SLC38A4: variants seen among roughly 807,000 people sequenced by gnomAD.
The protein encoded by SLC38A4 is solute carrier family 38 member 4, also known as sodium-coupled neutral amino acid transporter 4.
In SLC38A4, 20 loss-of-function variants were observed where a neutral mutation model predicts 63.1. That is an observed-to-expected ratio of 0.32 (90% CI 0.22 to 0.46). The LOEUF is 0.46. SLC38A4 is among the 20% of genes least tolerant of loss of function. The pLI, the probability that SLC38A4 is intolerant of heterozygous loss-of-function variation, is 1.00. For missense variants in SLC38A4, 526 were observed against 663.6 expected, an observed-to-expected ratio of 0.79 and a Z score of 2.28; for synonymous variants, 230 against 225.5, an observed-to-expected ratio of 1.02 and a Z score of -0.18.
In SLC38A4 at chr12:46,792,186, C is replaced by T. The variant is rs142680842; in HGVS notation, c.119+767G>A. ...ACAGGGAGAGAAATCAGGGCTCTCT[C>T]CCTGTCTCACATTTAATGTAGGCCT... On this transcript the variant is annotated intron_variant, in intron 3 of 16. Transcript: ENST00000266579. Among the ~76,000 whole-genome samples the T allele has an allele frequency of 3.0e-3, 456 of 152,094 alleles. 2 individuals are homozygous for T. Among genetic ancestry groups the T allele is most frequent in the African/African-American group, 0.01 (430 of 41,492 alleles).
chr12:46,808,154 A>C (rs1939272235), intron 1 of SLC38A4, among the ~76,000 whole-genome samples: 1 of 152,026 alleles, frequency 6.6e-6, no homozygotes, highest in Non-Finnish European at 1.5e-5. Context: ...CATGATTAGG[A>C]TCATTTGATG....
At chr12:46,787,763 C>T (rs144324401) in intron 5 of SLC38A4, among the ~76,000 whole-genome samples, 153 bp downstream of exon 5, 28 of 152,302 alleles carry the variant, frequency 1.8e-4, no homozygotes, top group Non-Finnish European at 2.9e-4. Flanking sequence ...CACTTTCTGC[C>T]GTTGGGTTAG....
upstream of SLC38A4, among the ~76,000 whole-genome samples, chr12:46,829,691 C>T (rs565869669): frequency 4.9e-4 from 75 of 152,226 alleles, no homozygotes; most frequent in Non-Finnish European, 7.5e-4. Context: ...AGTCCAGCTG[C>T]GTGATCATGT....
intron 5 of SLC38A4, among the ~76,000 whole-genome samples, chr12:46,785,825 A>G (rs916152989): frequency 2.2e-5 from 3 of 135,104 alleles, no homozygotes; most frequent in Non-Finnish European, 4.6e-5. Context: ...TTATGTTTAT[A>G]CGGATTGGTA....
At chr12:46,777,943 T>C (rs978959200) in intron 12 of SLC38A4, among the ~76,000 whole-genome samples, 3 of 152,006 alleles carry the variant, frequency 2.0e-5, no homozygotes, top group African/African-American at 4.8e-5. Flanking sequence ...TTGGTCGTCA[T>C]GGGTGTTTTC....
chr12:46,790,240 T>C (rs1040825008), intron 3 of SLC38A4, among the ~76,000 whole-genome samples: 26 of 152,092 alleles, frequency 1.7e-4, no homozygotes, highest in Non-Finnish European at 3.7e-4. Flanking sequence ...CAGTATGAGA[T>C]GTAGATAGAA....
rs541135454 is a variant in SLC38A4, at chr12:46,810,720, A to ACTT, written c.-304-6929_-304-6927dup. On this transcript the variant is annotated intron_variant, in intron 1 of 16. Transcript: ENST00000266579. Reference sequence around the variant, plus strand: ...GGCTAACCTTTAAAAAATACAGATTACTTTTATTATCAAAAAAGAATAAAC... The same window carrying ACTT: ...GGCTAACCTTTAAAAAATACAGATTACTTCTTTTATTATCAAAAAAGAATAAAC... Among the ~76,000 whole-genome samples the ACTT allele has an allele frequency of 3.2e-3, 491 of 152,012 alleles. 4 individuals are homozygous for ACTT. The highest frequency in any genetic ancestry group is 0.011 in the African/African-American group (466 of 41,528).
chr12:46,786,912 C>T (rs1938773437), intron 5 of SLC38A4, among the ~76,000 whole-genome samples: 1 of 152,196 alleles, frequency 6.6e-6, no homozygotes, highest in Admixed American at 6.5e-5. Context: ...ATTTAACTCT[C>T]TAGCGTTGCA....
At chr12:46,791,518 T>A (rs1938888624) in intron 3 of SLC38A4, among the ~76,000 whole-genome samples, 1 of 152,192 alleles carries the variant, frequency 6.6e-6, no homozygotes, top group Admixed American at 6.5e-5. Flanking sequence ...CTGGGTGTTG[T>A]AAATAAAATG....
chr12:46,785,063 A>G, intron 6 of SLC38A4, 41 bp downstream of exon 6: 1 of 1,436,226 alleles, frequency 7.0e-7, no homozygotes, highest in Non-Finnish European at 9.8e-7. Context: ...CTCTTTTATG[A>G]GAATTAAAAT....
chr12:46,768,452 T>C (rs1938343187), intron 15 of SLC38A4, 45 bp from the exon 16 acceptor site: 1 of 1,445,558 alleles, frequency 6.9e-7, no homozygotes, highest in Non-Finnish European at 9.6e-7. Context: ...TACCCAGCAG[T>C]TCCTAGCAAA....
At chr12:46,789,181 C>A (rs1938828268) in intron 3 of SLC38A4, among the ~76,000 whole-genome samples, 1 of 150,872 alleles carries the variant, frequency 6.6e-6, no homozygotes, top group Non-Finnish European at 1.5e-5. Flanking sequence ...CAGTCCCAGG[C>A]AGGGCCCTGT....
chr12:46,824,869 T>C (rs1939615887), intron 1 of SLC38A4, among the ~76,000 whole-genome samples: 1 of 152,216 alleles, frequency 6.6e-6, no homozygotes, highest in Non-Finnish European at 1.5e-5. Context: ...AATCTACACA[T>C]GTGGCAAAAT....
chr12:46,776,158 A>G (rs766734958), intron 13 of SLC38A4, among the ~76,000 whole-genome samples: 20 of 152,044 alleles, frequency 1.3e-4, no homozygotes, highest in Non-Finnish European at 2.9e-4. Flanking sequence ...ATACAAAAAT[A>G]TATTTATATT....
intron 14 of SLC38A4, among the ~76,000 whole-genome samples, chr12:46,773,427 A>C (rs562027579): frequency 6.6e-6 from 1 of 152,200 alleles, no homozygotes; most frequent in East Asian, 1.9e-4. Context: ...ATAATGTGCA[A>C]AATGTTTCAT....
At chr12:46,815,168 A>ATATGAGAT (rs1939413140) in intron 1 of SLC38A4, among the ~76,000 whole-genome samples, 1 of 150,698 alleles carries the variant, frequency 6.6e-6, no homozygotes, top group South Asian at 2.1e-4. Flanking sequence ...TAGAAGATGT[A>ATATGAGAT]TATGAGATAG....
intron 14 of SLC38A4, 109 bp downstream of exon 14, chr12:46,774,940 G>T: frequency 8.1e-7 from 1 of 1,238,332 alleles, no homozygotes; most frequent in Non-Finnish European, 1.1e-6. Flanking sequence ...ATATCCTCAG[G>T]CATTGCAATT....
At chr12:46,781,661 G>C (rs1006359431) in intron 7 of SLC38A4, among the ~76,000 whole-genome samples, 3 of 152,018 alleles carry the variant, frequency 2.0e-5, no homozygotes, top group African/African-American at 7.2e-5. Context: ...ACCAAAGTGA[G>C]AGCATTATTT....
Position 46,788,028 on chromosome 12 carries a change from G to T in SLC38A4, c.214C>A (p.Pro72Thr). The part of the protein sequence containing the change: ...KLADYADEHH[P>T]GTTSFGMSSF... ...GACATTCCAAAGGAAGTGGTTCCGG[G>T]ATGCTTGAAAAAGAAGGGATGTATT... The change falls in exon 5 of 17, where the codon CCC (proline) becomes ACC (threonine). Residue 72 changes from proline to threonine, a missense_variant. Pro to Thr is a conservative substitution (Grantham distance 38). Transcript: ENST00000266579. 1.2e-6 allele frequency: 2 copies of T among 1,612,338 alleles called. No individual in the cohort carries two copies. The highest frequency in any genetic ancestry group is 1.7e-6 in the Non-Finnish European group (2 of 1,178,562).
Sources: allele counts gnomAD v4.1 joint callset (sites outside exome capture counted in the v4.1 genomes callset), GRCh38; gene constraint gnomAD v4.1.1; transcripts MANE v1.5; gene names NCBI Gene and HGNC (gene_info 2026-07-23, HGNC 2026-07-21).